Variants in SH3GL2 observed in about 807,000 individuals in gnomAD.
The protein encoded by SH3GL2 is endophilin-A1.
In SH3GL2, 24 loss-of-function variants were observed where a neutral mutation model predicts 46.0. The ratio of observed to expected loss-of-function variants is 0.52; its 90% CI spans 0.38 to 0.73. The LOEUF is 0.73. SH3GL2 is among the 30% of genes least tolerant of loss of function. SH3GL2 has a pLI of 0.00. For missense variants in SH3GL2, 413 were observed against 424.2 expected (o/e 0.97, Z 0.23); for synonymous variants, 196 against 147.1 (o/e 1.33, Z -2.40).
chr9:17,607,517 T>C (rs1304062809), intron 1 of SH3GL2, among the ~76,000 whole-genome samples: 1 of 152,206 alleles, frequency 6.6e-6, no homozygotes, highest in African/African-American at 2.4e-5. Flanking sequence ...TTTCAGGTCT[T>C]ATAATCTTAC....
At chr9:17,725,356 G>A (rs1042353985) in intron 1 of SH3GL2, among the ~76,000 whole-genome samples, 1 of 152,016 alleles carries the variant, frequency 6.6e-6, no homozygotes, top group African/African-American at 2.4e-5. Context: ...CTCTTCTTTG[G>A]TGTCTCTCAG....
chr9:17,670,309 A>T (rs1309278490), intron 1 of SH3GL2, among the ~76,000 whole-genome samples: 1 of 152,196 alleles, frequency 6.6e-6, no homozygotes, highest in Non-Finnish European at 1.5e-5. Flanking sequence ...CTTTGTTAGA[A>T]AATAAGTAAT....
intron 1 of SH3GL2, among the ~76,000 whole-genome samples, chr9:17,647,046 G>T (rs1819836525): frequency 6.6e-6 from 1 of 152,168 alleles, no homozygotes; most frequent in South Asian, 2.1e-4. Flanking sequence ...GACCGGGGCT[G>T]TTGCCTTTCC....
At chr9:17,726,971 A>G (rs1563828786) in intron 1 of SH3GL2, among the ~76,000 whole-genome samples, 2 of 152,174 alleles carry the variant, frequency 1.3e-5, no homozygotes, top group Non-Finnish European at 2.9e-5. Context: ...ATTCCAGGGA[A>G]AACTGTCACT....
chr9:17,594,989 T>C (rs1240548461), intron 1 of SH3GL2, among the ~76,000 whole-genome samples: 1 of 152,248 alleles, frequency 6.6e-6, no homozygotes, highest in Non-Finnish European at 1.5e-5. Flanking sequence ...AATTGTAAGA[T>C]TGTAAGTTTA....
In SH3GL2 at chr9:17,764,839, A is replaced by G. The variant is rs9407841; in HGVS notation, c.187+3330A>G. The stretch of plus-strand genomic sequence containing the variant: ...CATGGACAGGCCAGGGCAATCAGTA[A>G]GATTTGATGCTTCAAGGGTACTTTG... On this transcript the variant is annotated intron_variant, in intron 3 of 8. Transcript: ENST00000380607. Among the ~76,000 whole-genome samples the G allele has an allele frequency of 5.3e-3, 128 of 24,364 alleles. 31 individuals are homozygous for G. The highest frequency in any genetic ancestry group is 0.032 in the East Asian group (4 of 126). 16.0% of individuals were successfully genotyped at this position (24,364 alleles called of 152,430 possible).
intron 1 of SH3GL2, among the ~76,000 whole-genome samples, chr9:17,742,327 A>G (rs909341319): frequency 1.3e-5 from 2 of 152,178 alleles, no homozygotes; most frequent in African/African-American, 4.8e-5. Flanking sequence ...GGAAAGCAGG[A>G]CAACATCCTT....
rs1342306516 is a variant in SH3GL2 at position 17,613,936 on chromosome 9, T to C, written c.45+34649T>C. Among the ~76,000 whole-genome samples, 2 of 152,162 alleles carry C rather than the reference T, an allele frequency of 1.3e-5. 1 individual carries two copies. The highest frequency in any genetic ancestry group is 2.9e-5 in the Non-Finnish European group (2 of 68,024). Reference sequence around the variant, plus strand: ...TTGGCAAGCTGCCTGGTAAATCAAATGAATGACGACAATACTGGAGATCTT... The same window carrying C: ...TTGGCAAGCTGCCTGGTAAATCAAACGAATGACGACAATACTGGAGATCTT... On this transcript the variant is annotated intron_variant, in intron 1 of 8. Coordinates refer to ENST00000380607, the MANE Select transcript of SH3GL2 (RefSeq NM_003026.5).
intron 3 of SH3GL2, among the ~76,000 whole-genome samples, chr9:17,774,530 A>G (rs903295002): frequency 3.3e-5 from 5 of 150,164 alleles, no homozygotes; most frequent in South Asian, 2.1e-4. Flanking sequence ...TCCTGCATCA[A>G]TTGAGATGAT....
At chr9:17,587,899 CAAAA>C (rs398068497) in intron 1 of SH3GL2, among the ~76,000 whole-genome samples, 3 of 140,806 alleles carry the variant, frequency 2.1e-5, no homozygotes, top group South Asian at 4.6e-4. Flanking sequence ...AAACAAAAAC[CAAAA>C]AAAAAAAACC....
chr9:17,582,265 A>G (rs910515203), intron 1 of SH3GL2, among the ~76,000 whole-genome samples: 6 of 98,426 alleles, frequency 6.1e-5, no homozygotes, highest in Non-Finnish European at 9.9e-5. Flanking sequence ...ATGAAAATAT[A>G]TAATGATACC....
At chr9:17,748,296 T>C (rs1351108546) in intron 2 of SH3GL2, among the ~76,000 whole-genome samples, 1 of 152,166 alleles carries the variant, frequency 6.6e-6, no homozygotes, top group Non-Finnish European at 1.5e-5. Flanking sequence ...AGAGTAGCAA[T>C]CCTGTACTTG....
chr9:17,717,086 T>A (rs1821781092), intron 1 of SH3GL2, among the ~76,000 whole-genome samples: 1 of 152,096 alleles, frequency 6.6e-6, no homozygotes, highest in African/African-American at 2.4e-5. Flanking sequence ...TTCATTATGG[T>A]CCAGTGGGAA....
At chr9:17,615,996 G>C (rs921330218) in intron 1 of SH3GL2, among the ~76,000 whole-genome samples, 2 of 152,140 alleles carry the variant, frequency 1.3e-5, no homozygotes, top group African/African-American at 2.4e-5. Context: ...CCAGAGAGAT[G>C]TTTCTGGGAA....
intron 1 of SH3GL2, among the ~76,000 whole-genome samples, chr9:17,743,569 A>AACACACACACACAC (rs58408701): frequency 0.19 from 27,064 of 143,350 alleles, 2,729 homozygotes; most frequent in East Asian, 0.34. Context: ...CTCTTTTGTG[A>AACACACACACACAC]ACACACACAC....
At chr9:17,703,385 A>T (rs1821384304) in intron 1 of SH3GL2, among the ~76,000 whole-genome samples, 1 of 152,040 alleles carries the variant, frequency 6.6e-6, no homozygotes, top group Admixed American at 6.6e-5. Flanking sequence ...TAGTGTGTTT[A>T]GAATAACATG....
intron 1 of SH3GL2, among the ~76,000 whole-genome samples, chr9:17,664,755 G>A (rs79022875): frequency 0.027 from 4,110 of 151,342 alleles, 176 homozygotes; most frequent in African/African-American, 0.095. Context: ...AGGGAGTCTG[G>A]GGATATTTTT....
At chr9:17,744,023 T>G (rs1420139349) in intron 1 of SH3GL2, among the ~76,000 whole-genome samples, 1 of 152,220 alleles carries the variant, frequency 6.6e-6, no homozygotes, top group East Asian at 1.9e-4. Context: ...AATGGAATTT[T>G]GGAATATAGT....
chr9:17,678,907 G>A (rs1820688789), intron 1 of SH3GL2, among the ~76,000 whole-genome samples: 2 of 152,070 alleles, frequency 1.3e-5, no homozygotes, highest in South Asian at 4.1e-4. Flanking sequence ...CCCATTTCTT[G>A]TTTTTGTCAG....
Sources: allele counts gnomAD v4.1 joint callset (sites outside exome capture counted in the v4.1 genomes callset), GRCh38; gene constraint gnomAD v4.1.1; transcripts MANE v1.5; gene names NCBI Gene and HGNC (gene_info 2026-07-23, HGNC 2026-07-21).